The following DENND5B variants were observed in gnomAD, a reference collection of about 807,000 sequenced individuals.
The protein encoded by DENND5B is DENN domain containing 5B.
DENND5B carries 34 observed loss-of-function variants against 140.6 expected under a neutral mutation model. That is an observed-to-expected ratio of 0.24 (90% CI 0.18 to 0.32). The LOEUF (loss-of-function observed/expected upper bound fraction) is 0.32. DENND5B is among the 10% of genes least tolerant of loss of function. The pLI, the probability that DENND5B is intolerant of heterozygous loss-of-function variation, is 1.00. For synonymous variants in DENND5B, 551 were observed against 562.1 expected, an observed-to-expected ratio of 0.98 and a Z score of 0.28; for missense variants, 1,142 against 1,560.2, an observed-to-expected ratio of 0.73 and a Z score of 4.52.
At chr12:31,491,281 C>T (rs11051447) in intron 2 of DENND5B, among the ~76,000 whole-genome samples, 10 of 152,058 alleles carry the variant, frequency 6.6e-5, no homozygotes, top group African/African-American at 2.2e-4. Context: ...AGGGAGACCC[C>T]GTCTCTACCA....
At chr12:31,493,326 G>A (rs1390332978) in intron 2 of DENND5B, among the ~76,000 whole-genome samples, 1 of 152,144 alleles carries the variant, frequency 6.6e-6, no homozygotes, top group Admixed American at 6.5e-5. Context: ...ACTCTAGCAG[G>A]CATCTAGTGA....
At position 31,529,144 on chromosome 12, in the gene DENND5B, C is replaced by A. The variant is rs1267671601; in HGVS notation, c.128-33225G>T. Among the ~76,000 whole-genome samples the A allele has an allele frequency of 5.5e-5, 7 of 126,342 alleles. No homozygotes were observed. In the East Asian group the frequency reaches 1.6e-3, roughly 29 times the overall value. The allele number at this position is 126,342 out of a possible 152,430, so 82.9% of individuals were successfully genotyped here. On this transcript the variant is annotated intron_variant, in intron 1 of 20. Coordinates refer to ENST00000389082, the MANE Select transcript of DENND5B (RefSeq NM_144973.4). ...CGCCACTAAACTCCAGCCTGCGCAACAGAGCGAAACTCTGTCTCAAAAAAA... is the reference window on the plus strand; with the variant it reads ...CGCCACTAAACTCCAGCCTGCGCAAAAGAGCGAAACTCTGTCTCAAAAAAA...
chr12:31,587,806 C>A (rs1461821205), intron 1 of DENND5B, among the ~76,000 whole-genome samples: 1 of 152,102 alleles, frequency 6.6e-6, no homozygotes, highest in East Asian at 1.9e-4. Context: ...CTCGGCCTTC[C>A]AAAGTGCTAG....
chr12:31,408,623 TC>T (rs1373703411), intron 14 of DENND5B, among the ~76,000 whole-genome samples: 26 of 17,472 alleles, frequency 1.5e-3, no homozygotes, highest in African/African-American at 3.0e-3. Context: ...TGAGACTCTA[TC>T]AAAAAAAAAA....
At chr12:31,490,585 T>C (rs1946487000) in intron 2 of DENND5B, among the ~76,000 whole-genome samples, 1 of 150,806 alleles carries the variant, frequency 6.6e-6, no homozygotes, top group African/African-American at 2.4e-5. Flanking sequence ...CACTCCAGTC[T>C]GGATGACAGA....
intron 8 of DENND5B, 100 bp from the exon 9 acceptor site, chr12:31,426,524 A>G: frequency 7.4e-7 from 1 of 1,356,860 alleles, no homozygotes; most frequent in Admixed American, 2.6e-5. Context: ...AAATGCAAAA[A>G]AGTCCGTAAG....
At position 31,383,121 on chromosome 12, in the gene DENND5B, G is replaced by C. The variant is rs1940701247; in HGVS notation, c.*4482C>G. 3 of 152,136 alleles carry C rather than the reference G, an allele frequency of 2.0e-5. No individual in the cohort carries two copies. The highest frequency in any genetic ancestry group is 2.0e-4 in the Admixed American group (3 of 15,266). 9.4% of individuals were successfully genotyped at this position (152,136 alleles called of 1,614,324 possible). ...AATATAAATAGCTAAAGTTCAGATT[G>C]TCTTTTCAACATAGTGAAAAGGATA... On this transcript the variant is annotated 3_prime_UTR_variant, in exon 21 of 21. Transcript: ENST00000389082.
chr12:31,589,344 T>C (rs1330128325), intron 1 of DENND5B, among the ~76,000 whole-genome samples: 2 of 152,238 alleles, frequency 1.3e-5, no homozygotes, highest in Admixed American at 1.3e-4. Context: ...TGTGATTACA[T>C]AATTACACAT....
intron 1 of DENND5B, among the ~76,000 whole-genome samples, chr12:31,519,345 A>C (rs1565658576): frequency 6.6e-6 from 1 of 152,216 alleles, no homozygotes. Context: ...GATGAACCTG[A>C]GGTACAAGAA....
intron 17 of DENND5B, among the ~76,000 whole-genome samples, chr12:31,395,860 T>C (rs574100467): frequency 6.3e-5 from 9 of 142,170 alleles, no homozygotes; most frequent in South Asian, 4.3e-4. Context: ...GCTGCTGTAA[T>C]AGACTCACAA....
At chr12:31,581,215 A>G (rs1950199950) in intron 1 of DENND5B, among the ~76,000 whole-genome samples, 1 of 152,202 alleles carries the variant, frequency 6.6e-6, no homozygotes, top group South Asian at 2.1e-4. Flanking sequence ...AATTTTAAGT[A>G]GAAAAAAATT....
intron 1 of DENND5B, among the ~76,000 whole-genome samples, chr12:31,511,059 C>T (rs1316407452): frequency 6.6e-6 from 1 of 151,980 alleles, no homozygotes; most frequent in Non-Finnish European, 1.5e-5. Context: ...CAGTGAGACC[C>T]CATCTCTGCA....
chr12:31,489,386 TTAGGGAG>T (rs1427626832), intron 2 of DENND5B, among the ~76,000 whole-genome samples: 1 of 152,064 alleles, frequency 6.6e-6, no homozygotes, highest in East Asian at 1.9e-4. Context: ...ATCCTTTCCT[TTAGGGAG>T]TTCACAGTCT....
intron 1 of DENND5B, among the ~76,000 whole-genome samples, chr12:31,566,280 T>C (rs1028878414): frequency 9.2e-5 from 14 of 152,044 alleles, no homozygotes; most frequent in African/African-American, 3.4e-4. Flanking sequence ...TAATCACATC[T>C]GTGAATAGCT....
At chr12:31,589,001 T>A (rs942913955) in intron 1 of DENND5B, among the ~76,000 whole-genome samples, 2 of 152,218 alleles carry the variant, frequency 1.3e-5, no homozygotes, top group African/African-American at 2.4e-5. Context: ...TGCATTAAAG[T>A]CTAATTGATG....
intron 14 of DENND5B, among the ~76,000 whole-genome samples, chr12:31,408,663 G>T (rs188015087): frequency 1.7e-3 from 242 of 146,566 alleles, no homozygotes; most frequent in African/African-American, 5.7e-3. Context: ...TCTCCAATCA[G>T]CATTTCCTTC....
chr12:31,556,087 C>T (rs921859073), intron 1 of DENND5B, among the ~76,000 whole-genome samples: 22 of 152,236 alleles, frequency 1.4e-4, no homozygotes, highest in African/African-American at 5.3e-4. Context: ...CTGGCACTCC[C>T]CAGTGAGATG....
chr12:31,499,544 C>A, intron 1 of DENND5B: 2 of 1,320,656 alleles, frequency 1.5e-6, no homozygotes, highest in Middle Eastern at 2.1e-4. Context: ...TTATAATGGG[C>A]TTGCAGTCAA....
At chr12:31,570,459 A>G (rs910387921) in intron 1 of DENND5B, among the ~76,000 whole-genome samples, 1 of 151,280 alleles carries the variant, frequency 6.6e-6, no homozygotes, top group Admixed American at 6.6e-5. Flanking sequence ...TTGTATTTTT[A>G]GTAGAGACAG....
Sources: gnomAD v4.1 joint callset for allele counts (sites outside exome capture counted in the v4.1 genomes callset) on GRCh38, gnomAD v4.1.1 for gene constraint, MANE v1.5 for transcripts, NCBI Gene and HGNC (gene_info 2026-07-23, HGNC 2026-07-21) for gene names.